The following LRRTM4 variants were observed in gnomAD, a reference collection of about 807,000 sequenced individuals.
The protein encoded by LRRTM4 is leucine-rich repeat transmembrane neuronal protein 4.
In LRRTM4, 25 loss-of-function variants were observed where a neutral mutation model predicts 47.6. That is an observed-to-expected ratio of 0.53 (90% confidence interval 0.38 to 0.73). The LOEUF is 0.73. Among genes scored for constraint, LRRTM4 ranks in the 30% least tolerant of loss-of-function variants. The pLI, the probability that LRRTM4 is intolerant of heterozygous loss-of-function variation, is 0.00. For synonymous variants in LRRTM4, 311 were observed against 269.5 expected (o/e 1.15, Z -1.51); for missense variants, 638 against 713.4 (o/e 0.89, Z 1.20).
intron 3 of LRRTM4, among the ~76,000 whole-genome samples, chr2:77,219,521 C>T (rs1421536265): frequency 2.0e-5 from 3 of 152,150 alleles, no homozygotes; most frequent in African/African-American, 7.2e-5. Context: ...TATCGGTACC[C>T]TTGTTTACAG....
chr2:77,256,942 A>T (rs66902408), intron 3 of LRRTM4, among the ~76,000 whole-genome samples: 2 of 152,124 alleles, frequency 1.3e-5, no homozygotes, highest in Non-Finnish European at 2.9e-5. Flanking sequence ...TGTATAGAAC[A>T]TGACAAACTT....
In LRRTM4 at chr2:77,518,172, T is replaced by C; in HGVS notation, c.1551+146A>G. ...AGTCAATTTCCTGGTGGTTGTAATT[T>C]AATTAAGTAACCTTTCACACTGAGC... is the stretch of plus-strand genomic sequence containing the variant. On this transcript the variant is annotated intron_variant, in intron 3 of 3. Coordinates refer to ENST00000409884, the MANE Select transcript of LRRTM4 (RefSeq NM_001134745.3). 3 of 1,277,600 alleles carry C rather than the reference T, an allele frequency of 2.3e-6. No homozygotes were observed. The South Asian group carries it at 9.8e-5, about 42-fold the overall frequency. The allele number at this position is 1,277,600 out of a possible 1,614,324, so 79.1% of individuals were successfully genotyped here. A position where few individuals can be genotyped will look rare whatever the true frequency, so the allele number is the denominator to read the frequency against.
At position 77,186,785 on chromosome 2, in the gene LRRTM4, G is replaced by A. The variant is rs375761683; in HGVS notation, c.1551+331533C>T. Among the ~76,000 whole-genome samples the A allele has an allele frequency of 5.3e-5, 8 of 152,090 alleles. No homozygotes were observed. The South Asian group carries it at 1.7e-3, about 32-fold the overall frequency. ...TTTATACTGAGCAAATAATAATTGG[G>A]GTCCAGCTAAGAGTTGAGAGAAGCT... On this transcript the variant is annotated intron_variant, in intron 3 of 3. Transcript: ENST00000409884.
chr2:76,871,844 T>C (rs1203967635), intron 3 of LRRTM4, among the ~76,000 whole-genome samples: 2 of 152,228 alleles, frequency 1.3e-5, no homozygotes, highest in Non-Finnish European at 2.9e-5. Context: ...AGACTACCTC[T>C]GACAGCCAGC....
intron 3 of LRRTM4, among the ~76,000 whole-genome samples, chr2:76,983,440 C>T (rs1676682231): frequency 6.6e-6 from 1 of 152,058 alleles, no homozygotes; most frequent in Non-Finnish European, 1.5e-5. Context: ...GTGAATAAGT[C>T]TCAGGAGATT....
chr2:76,922,471 A>T (rs1674463014), intron 3 of LRRTM4, among the ~76,000 whole-genome samples: 1 of 152,054 alleles, frequency 6.6e-6, no homozygotes, highest in South Asian at 2.1e-4. Flanking sequence ...TGATTCAATC[A>T]TCCCCCCACC....
chr2:77,058,936 T>C (rs981188827), intron 3 of LRRTM4, among the ~76,000 whole-genome samples: 1 of 152,064 alleles, frequency 6.6e-6, no homozygotes, highest in Non-Finnish European at 1.5e-5. Flanking sequence ...TCTATAAATA[T>C]ACTTAGAAAT....
intron 3 of LRRTM4, among the ~76,000 whole-genome samples, chr2:76,992,393 T>G (rs1000791156): frequency 4.0e-5 from 6 of 151,724 alleles, no homozygotes; most frequent in African/African-American, 1.5e-4. Flanking sequence ...CTAAAGACTT[T>G]GCCTAAAGTC....
At chr2:76,897,496 G>C (rs1316730046) in intron 3 of LRRTM4, among the ~76,000 whole-genome samples, 2 of 152,048 alleles carry the variant, frequency 1.3e-5, no homozygotes, top group East Asian at 3.9e-4. Flanking sequence ...ATAATGTTAT[G>C]ACAAATGTGC....
intron 3 of LRRTM4, among the ~76,000 whole-genome samples, chr2:77,053,856 G>C (rs1400762505): frequency 6.6e-6 from 1 of 152,066 alleles, no homozygotes; most frequent in South Asian, 2.1e-4. Context: ...ATCATACTAA[G>C]ACAATGGCTA....
chr2:77,429,737 A>G (rs1355240482), intron 3 of LRRTM4, among the ~76,000 whole-genome samples: 2 of 152,158 alleles, frequency 1.3e-5, no homozygotes, highest in African/African-American at 2.4e-5. Context: ...TATTGATCAA[A>G]GGATATAAAA....
At chr2:77,328,788 G>C (rs1331917104) in intron 3 of LRRTM4, among the ~76,000 whole-genome samples, 5 of 152,096 alleles carry the variant, frequency 3.3e-5, no homozygotes, top group Non-Finnish European at 5.9e-5. Context: ...TGCACTATAG[G>C]CACATAAATT....
intron 3 of LRRTM4, among the ~76,000 whole-genome samples, chr2:76,875,184 C>T (rs764669314): frequency 6.6e-6 from 1 of 152,060 alleles, no homozygotes; most frequent in African/African-American, 2.4e-5. Flanking sequence ...TTCAATAATG[C>T]ACATATGAAG....
intron 3 of LRRTM4, among the ~76,000 whole-genome samples, chr2:76,818,201 G>A (rs557329112): frequency 6.6e-6 from 1 of 151,988 alleles, no homozygotes; most frequent in Non-Finnish European, 1.5e-5. Flanking sequence ...ATAAGACAGA[G>A]TAAATTGACT....
At chr2:77,294,781 T>C (rs908526515) in intron 3 of LRRTM4, among the ~76,000 whole-genome samples, 1 of 152,162 alleles carries the variant, frequency 6.6e-6, no homozygotes, top group Non-Finnish European at 1.5e-5. Context: ...ATGTATCTTC[T>C]TTGCAGCAAC....
intron 3 of LRRTM4, among the ~76,000 whole-genome samples, chr2:77,330,910 C>T (rs929900394): frequency 6.6e-6 from 1 of 152,090 alleles, no homozygotes; most frequent in Non-Finnish European, 1.5e-5. Context: ...AAATGATTAA[C>T]TTGTCAAAAT....
intron 3 of LRRTM4, among the ~76,000 whole-genome samples, chr2:77,440,825 A>G (rs1675811593): frequency 6.6e-6 from 1 of 152,174 alleles, no homozygotes; most frequent in Non-Finnish European, 1.5e-5. Flanking sequence ...GTTTAGATAT[A>G]TTTACTTCTC....
At chr2:77,192,965 A>G (rs1416159648) in intron 3 of LRRTM4, among the ~76,000 whole-genome samples, 1 of 152,198 alleles carries the variant, frequency 6.6e-6, no homozygotes, top group African/African-American at 2.4e-5. Flanking sequence ...TTTGACAATA[A>G]GTCATATGCT....
chr2:77,358,015 G>T (rs910432188), intron 3 of LRRTM4, among the ~76,000 whole-genome samples: 4 of 152,148 alleles, frequency 2.6e-5, no homozygotes, highest in Admixed American at 2.6e-4. Context: ...TAGAATCAGG[G>T]TTTCCCTCAT....
Sources: gnomAD v4.1 joint callset for allele counts (sites outside exome capture counted in the v4.1 genomes callset) on GRCh38, gnomAD v4.1.1 for gene constraint, MANE v1.5 for transcripts, NCBI Gene and HGNC (gene_info 2026-07-23, HGNC 2026-07-21) for gene names.